The following TMED10 variants were observed in gnomAD, a reference collection of about 807,000 sequenced individuals.
The protein encoded by TMED10 is transmembrane p24 trafficking protein 10, also known as transmembrane emp24 domain-containing protein 10.
A neutral mutation model predicts 23.1 loss-of-function variants in TMED10; 7 were observed. That is an observed-to-expected ratio of 0.30 (90% confidence interval 0.17 to 0.57). The LOEUF is 0.57. Ranked by LOEUF, TMED10 falls within the 20% of genes least tolerant of loss-of-function variation. TMED10 has a pLI of 0.91. For synonymous variants in TMED10, 113 were observed against 106.9 expected, an observed-to-expected ratio of 1.06 and a Z score of -0.35; for missense variants, 162 against 274.8, an observed-to-expected ratio of 0.59 and a Z score of 2.90.
Position 75,133,669 on chromosome 14 carries a change from T to C in TMED10, c.*1216A>G, listed in dbSNP as rs1895713938. Reference sequence around the variant, plus strand: ...CCTTTTGAGCATTTATCCCAGAAAATGAAAATGTATGTTCACATAAAAACC... The same window carrying C: ...CCTTTTGAGCATTTATCCCAGAAAACGAAAATGTATGTTCACATAAAAACC... On this transcript the variant is annotated 3_prime_UTR_variant, in exon 5 of 5. Transcript: ENST00000303575. The C allele has an allele frequency of 6.4e-6, 1 of 155,424 alleles. No individual in the cohort carries two copies. The highest frequency in any genetic ancestry group is 1.4e-5 in the Non-Finnish European group (1 of 69,640). 9.6% of individuals were successfully genotyped at this position (155,424 alleles called of 1,614,324 possible). A position where few individuals can be genotyped will look rare whatever the true frequency, so the allele number is the denominator to read the frequency against.
chr14:75,135,703 T>C (rs1467555868), intron 4 of TMED10, 57 bp downstream of exon 4: 13 of 1,592,712 alleles, frequency 8.2e-6, no homozygotes, highest in African/African-American at 1.4e-5. Flanking sequence ...AATTGAAAGT[T>C]TGGAGACTGT....
chr14:75,170,059 A>G (rs1327203001), intron 1 of TMED10, among the ~76,000 whole-genome samples: 2 of 151,842 alleles, frequency 1.3e-5, no homozygotes, highest in African/African-American at 2.4e-5. Context: ...AATACAAAAA[A>G]TACAAAAAAT....
chr14:75,153,464 A>C (rs531132693), intron 1 of TMED10, among the ~76,000 whole-genome samples: 156 of 152,362 alleles, frequency 1.0e-3, no homozygotes, highest in African/African-American at 3.5e-3. Flanking sequence ...GTAAACAGCC[A>C]CATACAAAGC....
At chr14:75,170,258 G>A (rs114116821) in intron 1 of TMED10, among the ~76,000 whole-genome samples, 1,642 of 151,926 alleles carry the variant, frequency 0.011, 28 homozygotes, top group African/African-American at 0.038. Flanking sequence ...CTAAGTGAAC[G>A]GACACCATGA....
intron 1 of TMED10, among the ~76,000 whole-genome samples, chr14:75,166,304 C>G (rs192966656): frequency 2.2e-4 from 34 of 152,122 alleles, no homozygotes; most frequent in Admixed American, 7.2e-4. Context: ...AGCCCAAGTT[C>G]AGGTCTGTGG....
intron 1 of TMED10, chr14:75,175,798 C>A (rs1374761201): frequency 6.5e-6 from 1 of 153,330 alleles, no homozygotes; most frequent in Non-Finnish European, 1.5e-5. Flanking sequence ...CTAGTTTATC[C>A]TACCTCTGAG....
At chr14:75,153,395 A>C (rs1895979026) in intron 1 of TMED10, among the ~76,000 whole-genome samples, 1 of 152,222 alleles carries the variant, frequency 6.6e-6, no homozygotes, top group African/African-American at 2.4e-5. Context: ...TTCAGACTTA[A>C]GCTGCTCTAT....
At chr14:75,137,574 C>G (rs1235649234) in intron 3 of TMED10, among the ~76,000 whole-genome samples, 1 of 149,832 alleles carries the variant, frequency 6.7e-6, no homozygotes, top group Non-Finnish European at 1.5e-5. Context: ...ACTCGGGAGG[C>G]TGCGGCAGGA....
intron 1 of TMED10, among the ~76,000 whole-genome samples, chr14:75,171,206 G>C (rs1455057493): frequency 6.6e-6 from 1 of 152,112 alleles, no homozygotes; most frequent in Non-Finnish European, 1.5e-5. Context: ...GGAAGAAGGG[G>C]TGGTGAGGAA....
intron 3 of TMED10, among the ~76,000 whole-genome samples, chr14:75,138,757 A>G (rs1038384976): frequency 9.2e-5 from 14 of 151,910 alleles, no homozygotes; most frequent in African/African-American, 2.4e-4. Flanking sequence ...CCAGCTGAAA[A>G]TGATATTAAA....
chr14:75,136,266 C>T (rs959636840), intron 3 of TMED10, among the ~76,000 whole-genome samples: 1 of 152,144 alleles, frequency 6.6e-6, no homozygotes, highest in Admixed American at 6.5e-5. Flanking sequence ...TCAGGCAATC[C>T]TCTTGCCTCA....
At chr14:75,164,183 A>G (rs1012462898) in intron 1 of TMED10, among the ~76,000 whole-genome samples, 2 of 150,180 alleles carry the variant, frequency 1.3e-5, no homozygotes, top group Non-Finnish European at 2.9e-5. Flanking sequence ...CTTGTGCCTC[A>G]GCCTCCAGAG....
chr14:75,176,413 C>G lies in TMED10; in HGVS notation c.167G>C (p.Gly56Ala), dbSNP rs1896306495. 6.2e-7 allele frequency: 1 copy of G among 1,614,140 alleles called. No individual in the cohort carries two copies. Among genetic ancestry groups the G allele is most frequent in the Non-Finnish European group, 8.5e-7 (1 of 1,180,054 alleles). ...EEIHKDLLVT[G>A]AYEISDQSGG... is the part of the protein sequence containing the mutation. The stretch of plus-strand genomic sequence containing the variant: ...AGACTGGTCGGAGATCTCGTACGCG[C>G]CAGTCACTAGCAGGTCCTTGTGAAT... The change falls in exon 1 of 5, where the codon GGC becomes GCC. Residue 56 changes from glycine to alanine, a missense_variant. Gly to Ala is a moderately conservative substitution (Grantham distance 60). Around this residue, in one of 2 missense-constraint regions of TMED10, gnomAD observed 126 missense variants for 239.5 expected, o/e 0.53. Transcript: ENST00000303575.
chr14:75,137,553 T>C (rs1442628746), intron 3 of TMED10, among the ~76,000 whole-genome samples: 2 of 149,244 alleles, frequency 1.3e-5, no homozygotes, highest in East Asian at 2.1e-4. Flanking sequence ...CGGGCGCCTG[T>C]AGTCCCAGCT....
At chr14:75,140,381 G>T (rs1490643961) in intron 3 of TMED10, among the ~76,000 whole-genome samples, 1 of 152,074 alleles carries the variant, frequency 6.6e-6, no homozygotes, top group Non-Finnish European at 1.5e-5. Context: ...TTACAGGCGT[G>T]AGCCACTGGG....
intron 1 of TMED10, among the ~76,000 whole-genome samples, chr14:75,162,027 C>CGGGGT (rs1555356591): frequency 6.7e-6 from 1 of 149,028 alleles, no homozygotes; most frequent in Non-Finnish European, 1.5e-5. Context: ...AGGTCCGGGG[C>CGGGGT]GGGGTGGGGG....
chr14:75,159,877 T>G (rs772901277), intron 1 of TMED10, among the ~76,000 whole-genome samples: 19 of 152,184 alleles, frequency 1.2e-4, no homozygotes, highest in Non-Finnish European at 2.6e-4. Flanking sequence ...CGAAGATTAT[T>G]AAAGACTCAT....
intron 1 of TMED10, among the ~76,000 whole-genome samples, chr14:75,166,182 T>A (rs1466800636): frequency 1.3e-5 from 2 of 152,200 alleles, no homozygotes; most frequent in Non-Finnish European, 2.9e-5. Context: ...AGTCTTGTTC[T>A]TTCTTAACAA....
intron 1 of TMED10, among the ~76,000 whole-genome samples, chr14:75,161,371 T>G (rs142260731): frequency 3.2e-4 from 49 of 152,288 alleles, no homozygotes; most frequent in African/African-American, 1.1e-3. Flanking sequence ...AAAAGTCTTA[T>G]CAAGAACCTA....
Sources: allele counts gnomAD v4.1 joint callset (sites outside exome capture counted in the v4.1 genomes callset), GRCh38; gene constraint gnomAD v4.1.1; regional missense constraint gnomAD v4.1.1; transcripts MANE v1.5; gene names NCBI Gene and HGNC (gene_info 2026-07-23, HGNC 2026-07-21).